Variants in ZNF514 observed in about 807,000 individuals in gnomAD.
ZNF514 encodes zinc finger protein 514.
ZNF514 carries 12 observed loss-of-function variants against 9.7 expected under a neutral mutation model. That is an observed-to-expected ratio of 1.24 (90% confidence interval 0.79 to 2.01). ZNF514 has a LOEUF of 2.01. Among genes scored for constraint, ZNF514 ranks in the 30% most tolerant of loss-of-function variants. ZNF514 has a pLI of 0.00. For synonymous variants in ZNF514, 158 were observed against 163.7 expected, an observed-to-expected ratio of 0.97 and a Z score of 0.27; for missense variants, 467 against 465.5, an observed-to-expected ratio of 1.00 and a Z score of -0.03.
rs1177826398 is a variant in ZNF514, at chr2:95,148,625, C to T, written c.*657G>A. ...GGAACATCCACCAAAGCCCTTCCCA[C>T]ATTCATCACGTCACCAGAGTTTCCA... On this transcript the variant is annotated 3_prime_UTR_variant, in exon 5 of 5. Transcript: ENST00000295208. 6.6e-6 allele frequency: 1 copy of T among 152,286 alleles called. No homozygotes were observed. The highest frequency in any genetic ancestry group is 2.4e-5 in the African/African-American group (1 of 41,458). The allele number at this position is 152,286 out of a possible 1,614,324, so 9.4% of individuals were successfully genotyped here.
downstream of ZNF514, among the ~76,000 whole-genome samples, chr2:95,142,754 C>T (rs1409533918): frequency 6.6e-6 from 1 of 152,172 alleles, no homozygotes; most frequent in African/African-American, 2.4e-5. Flanking sequence ...GAATTGCTTA[C>T]TTACTGTTTA....
At chr2:95,140,602 G>T (rs1676811966), downstream of ZNF514, among the ~76,000 whole-genome samples, 1 of 151,934 alleles carries the variant, frequency 6.6e-6, no homozygotes. Context: ...GACGGAGCAA[G>T]ACTTCATCTT....
chr2:95,152,304 G>C (rs1673564738), intron 4 of ZNF514, among the ~76,000 whole-genome samples: 1 of 151,786 alleles, frequency 6.6e-6, no homozygotes, highest in Non-Finnish European at 1.5e-5. Context: ...CTTCATTTCT[G>C]GGGTGCTCAA....
downstream of ZNF514, among the ~76,000 whole-genome samples, chr2:95,141,252 G>T (rs538925225): frequency 2.0e-5 from 3 of 152,046 alleles, no homozygotes; most frequent in Admixed American, 2.0e-4. Flanking sequence ...ACTCCATAAG[G>T]CATTAACGCT....
the ZNF514 span, among the ~76,000 whole-genome samples, chr2:95,139,945 G>C: frequency 1.3e-5 from 2 of 151,986 alleles, no homozygotes; most frequent in African/African-American, 4.8e-5. Context: ...TGTTGGGGAG[G>C]CAGCCATAAA....
At position 95,145,634 on chromosome 2, in the gene ZNF514, C is replaced by A. The variant is rs1673341153; in HGVS notation, c.*3648G>T. On this transcript the variant is annotated 3_prime_UTR_variant, in exon 5 of 5. Transcript: ENST00000295208. ...GAATCCACCTATAACCCAGAAGGCC[C>A]TCCCTCTGTCCCTGTCCCTTCCCCA... 1.3e-5 allele frequency among the ~76,000 whole-genome samples: 2 copies of A among 152,158 alleles called. No homozygotes were observed. The highest frequency in any genetic ancestry group is 2.9e-5 in the Non-Finnish European group (2 of 68,026).
chr2:95,149,161 T>C lies in ZNF514; in HGVS notation c.*121A>G, dbSNP rs1673444949. 8.0e-7 allele frequency: 1 copy of C among 1,244,404 alleles called. No individual in the cohort carries two copies. Among genetic ancestry groups the C allele is most frequent in the Admixed American group, 2.4e-5 (1 of 41,002 alleles). 77.1% of individuals were successfully genotyped at this position (1,244,404 alleles called of 1,614,324 possible). A position where few individuals can be genotyped will look rare whatever the true frequency, so the allele number is the denominator to read the frequency against. ...ATTCTCTTTAGTAATTATTGCCTGATGTGGAACAAGATGTGGTCTTCCCAC... is the reference window on the plus strand; with the variant it reads ...ATTCTCTTTAGTAATTATTGCCTGACGTGGAACAAGATGTGGTCTTCCCAC... On this transcript the variant is annotated 3_prime_UTR_variant, in exon 5 of 5. Coordinates refer to ENST00000295208, the MANE Select transcript of ZNF514 (RefSeq NM_032788.3).
At chr2:95,124,839 A>G in the ZNF514 span, among the ~76,000 whole-genome samples, 1 of 151,814 alleles carries the variant, frequency 6.6e-6, no homozygotes, top group African/African-American at 2.4e-5. Context: ...CAAAGCTGCC[A>G]TCAACATTCA....
chr2:95,127,563 T>G, the ZNF514 span, among the ~76,000 whole-genome samples: 1 of 150,728 alleles, frequency 6.6e-6, no homozygotes, highest in Non-Finnish European at 1.5e-5. Context: ...GTTTTTTGGT[T>G]GTTTTGTTTT....
At position 95,157,454 on chromosome 2, in the gene ZNF514, G is replaced by A. The variant is rs1413077784; in HGVS notation, c.-95-15C>T. On this transcript the variant is annotated splice_polypyrimidine_tract_variant and intron_variant, in intron 1 of 4. Coordinates refer to ENST00000295208, the MANE Select transcript of ZNF514 (RefSeq NM_032788.3). ...AGAAGGGGAAGCTGGGAAGGTAGAAGGAGACATAAGGGAAGCTGACCCAGC... is the reference window on the plus strand; with the variant it reads ...AGAAGGGGAAGCTGGGAAGGTAGAAAGAGACATAAGGGAAGCTGACCCAGC... 1.2e-5 allele frequency: 15 copies of A among 1,284,750 alleles called. No homozygotes were observed. Among genetic ancestry groups the A allele is most frequent in the Non-Finnish European group, 1.4e-5 (14 of 984,516 alleles). The allele number at this position is 1,284,750 out of a possible 1,614,324, so 79.6% of individuals were successfully genotyped here.
At chr2:95,129,997 TA>T in the ZNF514 span, among the ~76,000 whole-genome samples, 1 of 152,074 alleles carries the variant, frequency 6.6e-6, no homozygotes, top group South Asian at 2.1e-4. Flanking sequence ...TAATCAAGAA[TA>T]TGTGGTTTTG....
rs555940793 is a variant in ZNF514 at position 95,156,166 on chromosome 2, C to T, written c.-7+1185G>A. 4.6e-5 allele frequency among the ~76,000 whole-genome samples: 7 copies of T among 152,340 alleles called. No individual in the cohort carries two copies. The South Asian group carries it at 6.2e-4, about 14-fold the overall frequency. ...GATTAAATTCCTTACTAGGGGGGTT[C>T]CCCCTTTTGGCTTGAAAGTTAAATG... is the stretch of plus-strand genomic sequence containing the variant. On this transcript the variant is annotated intron_variant, in intron 2 of 4. Coordinates refer to ENST00000295208, the MANE Select transcript of ZNF514 (RefSeq NM_032788.3).
At chr2:95,158,919 G>A (rs1218083116) in intron 1 of ZNF514, 3 of 1,289,704 alleles carry the variant, frequency 2.3e-6, no homozygotes. Context: ...CTCGGTACTA[G>A]CTCCCCAAGA....
the ZNF514 span, among the ~76,000 whole-genome samples, chr2:95,126,855 C>T: frequency 6.6e-6 from 1 of 151,962 alleles, no homozygotes. Context: ...AATGCAGCCT[C>T]ACACTCCTGG....
chr2:95,138,345 G>A, the ZNF514 span, among the ~76,000 whole-genome samples: 1 of 152,294 alleles, frequency 6.6e-6, no homozygotes, highest in East Asian at 1.9e-4. Flanking sequence ...TTAAAGACTA[G>A]TTAAGTACTT....
intron 2 of ZNF514, among the ~76,000 whole-genome samples, chr2:95,156,842 C>G (rs1246460662): frequency 6.6e-6 from 1 of 152,080 alleles, no homozygotes; most frequent in Admixed American, 6.5e-5. Flanking sequence ...AACATCTGAA[C>G]AGGGACCCAG....
intron 2 of ZNF514, among the ~76,000 whole-genome samples, chr2:95,156,614 G>A (rs1203555011): frequency 1.3e-5 from 2 of 152,204 alleles, no homozygotes; most frequent in Non-Finnish European, 2.9e-5. Flanking sequence ...ATTAGTATGT[G>A]TAAATTGTAG....
rs771198682 is a variant in ZNF514 at position 95,152,715 on chromosome 2, G to A, written c.176C>T (p.Pro59Leu). 6.2e-7 allele frequency: 1 copy of A among 1,614,096 alleles called. No individual in the cohort carries two copies. Among genetic ancestry groups the A allele is most frequent in the Non-Finnish European group, 8.5e-7 (1 of 1,180,026 alleles). The change falls in exon 4 of 5, where the codon CCC becomes CTC. Residue 59 changes from proline (P) to leucine (L), a missense_variant. By Grantham distance (98) the Pro-to-Leu change is moderately conservative. Coordinates refer to ENST00000295208, the MANE Select transcript of ZNF514 (RefSeq NM_032788.3). ...VICQLEEGGE[P>L]FMVEREISTG... ...TGAGATTTCTCTCTCCACCATGAAG[G>A]GCTCACCCCCTTCCTCCAACTGGCA...
the ZNF514 span, among the ~76,000 whole-genome samples, chr2:95,130,073 G>A: frequency 3.3e-5 from 5 of 152,062 alleles, no homozygotes; most frequent in Non-Finnish European, 5.9e-5. Context: ...CCTAAGCGTC[G>A]ACTGGCTTGA....
Sources: allele counts gnomAD v4.1 joint callset (sites outside exome capture counted in the v4.1 genomes callset), GRCh38; gene constraint gnomAD v4.1.1; transcripts MANE v1.5; gene names NCBI Gene and HGNC (gene_info 2026-07-23, HGNC 2026-07-21).